The following TNFSF14 variants were observed in gnomAD, a reference collection of about 807,000 sequenced individuals.
The protein encoded by TNFSF14 is tumor necrosis factor ligand superfamily member 14.
In TNFSF14, 15 loss-of-function variants were observed where a neutral mutation model predicts 22.7. The ratio of observed to expected loss-of-function variants is 0.66; its 90% CI spans 0.44 to 1.02. The LOEUF (loss-of-function observed/expected upper bound fraction) is 1.02. Ranked by LOEUF, TNFSF14 falls within the 50% of genes least tolerant of loss-of-function variation. TNFSF14 has a pLI of 0.00. For synonymous variants in TNFSF14, 133 were observed against 139.6 expected, an observed-to-expected ratio of 0.95 and a Z score of 0.33; for missense variants, 287 against 326.2, an observed-to-expected ratio of 0.88 and a Z score of 0.93.
At chr19:6,669,251 A>G (rs1255414705) in intron 1 of TNFSF14, among the ~76,000 whole-genome samples, 1 of 152,204 alleles carries the variant, frequency 6.6e-6, no homozygotes, top group Non-Finnish European at 1.5e-5. Flanking sequence ...TGGGAGGCTG[A>G]GGCGGGTGGA....
rs1219736090 is a variant in TNFSF14 at position 6,667,158 on chromosome 19, G to A, written c.257-4C>T. On this transcript the variant is annotated splice_polypyrimidine_tract_variant and splice_region_variant and intron_variant, in intron 2 of 3. Coordinates refer to ENST00000675206, the MANE Select transcript of TNFSF14 (RefSeq NM_001376887.1). ...TTGACCTCGTGAGACCTTCGCTCTGGGGAAAGAGGGTCAGAGGTTAGAGAC... is the reference window on the plus strand; with the variant it reads ...TTGACCTCGTGAGACCTTCGCTCTGAGGAAAGAGGGTCAGAGGTTAGAGAC... 1 of 1,588,182 alleles carries A rather than the reference G, an allele frequency of 6.3e-7. No homozygotes were observed. The highest frequency in any genetic ancestry group is 2.3e-5 in the East Asian group (1 of 42,934).
Position 6,665,191 on chromosome 19 carries a change from C to A in TNFSF14, c.458G>T (p.Gly153Val). The A allele has an allele frequency of 6.2e-7, 1 of 1,614,046 alleles. No individual in the cohort carries two copies. Among genetic ancestry groups the A allele is most frequent in the Non-Finnish European group, 8.5e-7 (1 of 1,180,000 alleles). ...IYSKVQLGGV[G>V]CPLGLASTIT... Reference sequence around the variant, plus strand: ...GGTGCTGGCCAGGCCCAGCGGGCAGCCCACACCGCCCAGCTGCACCTTGGA... The same window carrying A: ...GGTGCTGGCCAGGCCCAGCGGGCAGACCACACCGCCCAGCTGCACCTTGGA... The change falls in exon 4 of 4, where the codon GGC (glycine) becomes GTC (valine). Residue 153 changes from glycine to valine, a missense_variant. Gly to Val is a moderately radical substitution (Grantham distance 109, BLOSUM62 -3). Coordinates refer to ENST00000675206, the MANE Select transcript of TNFSF14 (RefSeq NM_001376887.1).
At chr19:6,669,096 C>T (rs565019907) in intron 1 of TNFSF14, among the ~76,000 whole-genome samples, 10 of 152,312 alleles carry the variant, frequency 6.6e-5, no homozygotes, top group South Asian at 6.2e-4. Flanking sequence ...CACAGACAGG[C>T]GGACACATCC....
At chr19:6,669,731 C>T in intron 1 of TNFSF14, 120 bp downstream of exon 1, 2 of 1,424,622 alleles carry the variant, frequency 1.4e-6, no homozygotes, top group Non-Finnish European at 1.9e-6. Context: ...AGCCTGTGCC[C>T]TGTCCTACAC....
upstream of TNFSF14, chr19:6,670,198 T>C: frequency 6.8e-7 from 1 of 1,470,920 alleles, no homozygotes; most frequent in Non-Finnish European, 9.0e-7. Flanking sequence ...AGAGCTGGGG[T>C]TCAGCCCCAC....
rs767546098 is a variant in TNFSF14, at chr19:6,665,230, T to C, written c.419A>G (p.Tyr140Cys). 6.2e-7 allele frequency: 1 copy of C among 1,614,142 alleles called. No individual in the cohort carries two copies. Among genetic ancestry groups the C allele is most frequent in the South Asian group, 1.1e-5 (1 of 91,086 alleles). Reference protein sequence around the residue: ...DGALVVTKAGYYYIYSKVQLG... With the variant: ...DGALVVTKAGCYYIYSKVQLG... ...CTGCACCTTGGAGTAGATGTAGTAG[T>C]AGCCAGCTTTGGTGACCACAAGGGC... The change falls in exon 4 of 4, where the codon TAC (tyrosine) becomes TGC (cysteine). Residue 140 changes from tyrosine (Y) to cysteine (C), a missense_variant. By Grantham distance (194) the Tyr-to-Cys change is radical (BLOSUM62 -2). Transcript: ENST00000675206.
At chr19:6,669,749 C>T in intron 1 of TNFSF14, 102 bp downstream of exon 1, 2 of 1,484,854 alleles carry the variant, frequency 1.3e-6, no homozygotes, top group Non-Finnish European at 1.8e-6. Flanking sequence ...CACACACACA[C>T]ACACACACAC....
At position 6,665,287 on chromosome 19, in the gene TNFSF14, G is replaced by C. The variant is rs747405721; in HGVS notation, c.362C>G (p.Ala121Gly). Residue 121 changes from alanine to glycine, a missense_variant, in exon 4 of 4, where the codon GCC becomes GGC. Physicochemically the swap from Ala to Gly is moderately conservative, Grantham distance 60. Transcript: ENST00000675206. The stretch of plus-strand genomic sequence containing the variant: ...GTGGTAGCTGAGGCCCCTCAGGAAG[G>C]CCAGGCCCAGCTGAGTCTCCCATAA... ...PLLWETQLGL[A>G]FLRGLSYHDG... 1 of 1,612,558 alleles carries C rather than the reference G, an allele frequency of 6.2e-7. No homozygotes were observed. Among genetic ancestry groups the C allele is most frequent in the Non-Finnish European group, 8.5e-7 (1 of 1,179,562 alleles).
chr19:6,669,824 T>G (rs1568204241), intron 1 of TNFSF14, 27 bp downstream of exon 1: 1 of 1,604,266 alleles, frequency 6.2e-7, no homozygotes, highest in Admixed American at 1.7e-5. Flanking sequence ...CACCTCCACC[T>G]GCTCTCAGCC....
chr19:6,670,188 A>G, upstream of TNFSF14: 1 of 1,483,732 alleles, frequency 6.7e-7, no homozygotes, highest in South Asian at 1.3e-5. Flanking sequence ...GGCCGCCTTT[A>G]GAGCTGGGGT....
In TNFSF14 at chr19:6,663,713, C is replaced by T. The variant is rs1269678446; in HGVS notation, c.*1213G>A. ...ACTTCCATGTGATTGTGTGGTTGTG[C>T]ATGAATCTGGCACTTCGCGTGTATG... On this transcript the variant is annotated 3_prime_UTR_variant, in exon 4 of 4. Coordinates refer to ENST00000675206, the MANE Select transcript of TNFSF14 (RefSeq NM_001376887.1). The T allele has an allele frequency of 1.2e-4, 19 of 152,476 alleles. No individual in the cohort carries two copies. The highest frequency in any genetic ancestry group is 1.2e-3 in the Admixed American group (19 of 15,274). The allele number at this position is 152,476 out of a possible 1,614,324, so 9.4% of individuals were successfully genotyped here. A position where few individuals can be genotyped will look rare whatever the true frequency, so the allele number is the denominator to read the frequency against.
chr19:6,668,753 A>G (rs1165492114), intron 1 of TNFSF14, among the ~76,000 whole-genome samples: 1 of 152,022 alleles, frequency 6.6e-6, no homozygotes, highest in East Asian at 1.9e-4. Flanking sequence ...ACACATGGAC[A>G]CCACCCTTGG....
chr19:6,669,508 T>A (rs553663797), intron 1 of TNFSF14, among the ~76,000 whole-genome samples: 1 of 151,850 alleles, frequency 6.6e-6, no homozygotes, highest in African/African-American at 2.4e-5. Flanking sequence ...ACAGAGAAAA[T>A]GCATGCGTGT....
In TNFSF14 at chr19:6,662,014, G is replaced by C. The variant is rs1000489886; in HGVS notation, c.*2912C>G. 1 of 152,166 alleles carries C rather than the reference G, an allele frequency of 6.6e-6. No homozygotes were observed. Among genetic ancestry groups the C allele is most frequent in the African/African-American group, 2.4e-5 (1 of 41,418 alleles). 9.4% of individuals were successfully genotyped at this position (152,166 alleles called of 1,614,324 possible). ...TTTCCCACTTGTGGCATCACACTGG[G>C]GCTCAAAGAGTTTCAGATTTTGGAG... On this transcript the variant is annotated 3_prime_UTR_variant, in exon 4 of 4. Transcript: ENST00000675206.
chr19:6,664,919 C>G lies in TNFSF14; in HGVS notation c.*7G>C. 1 of 1,578,478 alleles carries G rather than the reference C, an allele frequency of 6.3e-7. No individual in the cohort carries two copies. The highest frequency in any genetic ancestry group is 8.6e-7 in the Non-Finnish European group (1 of 1,157,430). On this transcript the variant is annotated 3_prime_UTR_variant, in exon 4 of 4. Transcript: ENST00000675206. This position sits in a 1 kb window ranked among gnomAD's most constrained non-coding sequence, Gnocchi z 4.7. Reference sequence around the variant, plus strand: ...AGACCCATGTCCAATGCACCACGCTCCTTCCTTCACACCATGAAAGCCCCG... The same window carrying G: ...AGACCCATGTCCAATGCACCACGCTGCTTCCTTCACACCATGAAAGCCCCG...
chr19:6,667,084 C>T (rs1223512038), intron 3 of TNFSF14, 29 bp downstream of exon 3: 1 of 1,609,284 alleles, frequency 6.2e-7, no homozygotes. Context: ...TGACCCCTGC[C>T]CCTTGCCAGG....
At chr19:6,667,472 C>A in intron 1 of TNFSF14, 23 bp from the exon 2 acceptor site, 2 of 1,570,892 alleles carry the variant, frequency 1.3e-6, no homozygotes, top group East Asian at 2.4e-5. Context: ...AAGGGGCCTG[C>A]GGTAAGAACC....
intron 2 of TNFSF14, 111 bp from the exon 3 acceptor site, chr19:6,667,265 G>T: frequency 7.0e-7 from 1 of 1,435,772 alleles, no homozygotes; most frequent in South Asian, 1.5e-5. Flanking sequence ...CTTCCGGAGT[G>T]ACCCAAACTT....
At chr19:6,669,338 C>T (rs907194227) in intron 1 of TNFSF14, among the ~76,000 whole-genome samples, 1 of 152,078 alleles carries the variant, frequency 6.6e-6, no homozygotes, top group Non-Finnish European at 1.5e-5. Flanking sequence ...ACAAAATTGG[C>T]CAGGCGTGGT....
Sources: allele counts gnomAD v4.1 joint callset (sites outside exome capture counted in the v4.1 genomes callset), GRCh38; gene constraint gnomAD v4.1.1; non-coding constraint Gnocchi (gnomAD v3.1); transcripts MANE v1.5; gene names NCBI Gene and HGNC (gene_info 2026-07-23, HGNC 2026-07-21).